The following BRF1 variants were observed in gnomAD, a reference collection of about 807,000 sequenced individuals.
The protein encoded by BRF1 is transcription factor IIIB 90 kDa subunit.
In BRF1, 59 loss-of-function variants were observed where a neutral mutation model predicts 81.7. The ratio of observed to expected loss-of-function variants is 0.72; its 90% confidence interval spans 0.59 to 0.90. The LOEUF (loss-of-function observed/expected upper bound fraction) is 0.90, where lower values mean the gene tolerates loss of function less well. Among genes scored for constraint, BRF1 ranks in the 40% least tolerant of loss-of-function variants. The pLI, the probability that BRF1 is intolerant of heterozygous loss-of-function variation, is 0.00. For synonymous variants in BRF1, 491 were observed against 395.6 expected (o/e 1.24, Z -2.86); for missense variants, 1,050 against 936.3 (o/e 1.12, Z -1.58).
At chr14:105,295,492 C>A (rs1354581608) in intron 1 of BRF1, among the ~76,000 whole-genome samples, 1 of 151,922 alleles carries the variant, frequency 6.6e-6, no homozygotes, top group East Asian at 1.9e-4. Context: ...CCTGTAGTAC[C>A]AGCAACTCAG....
intron 6 of BRF1, among the ~76,000 whole-genome samples, chr14:105,229,200 C>G (rs587605297): frequency 1.3e-5 from 2 of 152,222 alleles, no homozygotes; most frequent in South Asian, 2.1e-4. Flanking sequence ...CAAACTAACT[C>G]TAAGATGACT....
chr14:105,301,534 G>C (rs1017835128), upstream of BRF1, among the ~76,000 whole-genome samples: 2 of 152,152 alleles, frequency 1.3e-5, no homozygotes, highest in African/African-American at 4.8e-5. Context: ...AGCTGCGCTG[G>C]GGGGCCTGGC....
chr14:105,300,346 C>A, intron 1 of BRF1, 100 bp downstream of exon 1: 1 of 1,272,140 alleles, frequency 7.9e-7, no homozygotes. Context: ...CCCGACAGAG[C>A]GTGCGGTACC....
rs1334579299 is a variant in BRF1 at position 105,223,879 on chromosome 14, T to G, written c.1049-1965A>C. Reference sequence around the variant, plus strand: ...AGAACTTTCACGGGAGGAATGTGACTCCTCCTCCTTGAGCTACGTGTTCAT... The same window carrying G: ...AGAACTTTCACGGGAGGAATGTGACGCCTCCTCCTTGAGCTACGTGTTCAT... On this transcript the variant is annotated intron_variant, in intron 10 of 17. Coordinates refer to ENST00000547530, the MANE Select transcript of BRF1 (RefSeq NM_001519.4). Among the ~76,000 whole-genome samples, 7 of 152,230 alleles carry G rather than the reference T, an allele frequency of 4.6e-5. No individual in the cohort carries two copies. In the East Asian group the frequency reaches 5.8e-4, roughly 13 times the overall value.
At chr14:105,249,032 C>G in intron 5 of BRF1, 6 of 1,200,204 alleles carry the variant, frequency 5.0e-6, no homozygotes, top group Non-Finnish European at 6.2e-6. Context: ...CACTCGGCAA[C>G]AACCACCAGG....
chr14:105,219,826 G>A (rs1891971431), intron 12 of BRF1: 4 of 575,392 alleles, frequency 7.0e-6, no homozygotes, highest in Non-Finnish European at 1.2e-5. Flanking sequence ...TATGTGCCGA[G>A]GGCCGCAAGG....
intron 4 of BRF1, among the ~76,000 whole-genome samples, chr14:105,254,680 C>A (rs1422611491): frequency 6.6e-6 from 1 of 152,122 alleles, no homozygotes; most frequent in African/African-American, 2.4e-5. Flanking sequence ...TCCTGTCTCA[C>A]CCTCCTAAGT....
intron 1 of BRF1, among the ~76,000 whole-genome samples, chr14:105,296,054 C>T (rs1284797071): frequency 7.1e-6 from 1 of 141,476 alleles, no homozygotes; most frequent in African/African-American, 2.8e-5. Context: ...GCACTCCAGC[C>T]TGGGCAACAG....
In BRF1 at chr14:105,211,253, G is replaced by C. The variant is rs755827110; in HGVS notation, c.1865C>G (p.Ala622Gly). 1.2e-6 allele frequency: 2 copies of C among 1,608,030 alleles called. No individual in the cohort carries two copies. The highest frequency in any genetic ancestry group is 3.3e-5 in the Admixed American group (2 of 59,786). ...PSSPTLGAEP[A>G]RPQAVLVESG... ...CTCCACCAGCACCGCCTGGGGCCTG[G>C]CAGGCTCAGCTCCGAGGGTGGGAGA... Residue 622 changes from alanine (A) to glycine (G), a missense_variant, in exon 17 of 18, where the codon GCC (alanine) becomes GGC (glycine). Coordinates refer to ENST00000547530, the MANE Select transcript of BRF1 (RefSeq NM_001519.4).
chr14:105,260,474 C>T (rs951774109), intron 3 of BRF1, among the ~76,000 whole-genome samples: 5 of 151,934 alleles, frequency 3.3e-5, no homozygotes, highest in Non-Finnish European at 7.4e-5. Flanking sequence ...CAGGTTCAAG[C>T]GATTCTCCTG....
rs1376060032 is a variant in BRF1 at position 105,226,272 on chromosome 14, T to C, written c.934A>G (p.Lys312Glu). 6.2e-7 allele frequency: 1 copy of C among 1,614,080 alleles called. No individual in the cohort carries two copies. Residue 312 changes from lysine (K) to glutamate (E), a missense_variant, in exon 9 of 18, where the codon AAA becomes GAA. Around this residue, in one of 2 missense-constraint regions of BRF1, gnomAD observed 1,043 missense variants for 915.4 expected, o/e 1.14. Coordinates refer to ENST00000547530, the MANE Select transcript of BRF1 (RefSeq NM_001519.4). Reference protein sequence around the residue: ...RMKQLEQVLSKKLEEVEGEIS... With the variant: ...RMKQLEQVLSEKLEEVEGEIS... The stretch of plus-strand genomic sequence containing the variant: ...TTACCTTCAACCTCCTCCAGTTTTT[T>C]TGACAGGACTTGTTCAAGCTGAAAG...
chr14:105,275,774 CG>C (rs1480952751), intron 2 of BRF1, among the ~76,000 whole-genome samples: 1 of 152,254 alleles, frequency 6.6e-6, no homozygotes, highest in African/African-American at 2.4e-5. Context: ...CTATCCCCTA[CG>C]GGGATGGTAT....
At chr14:105,249,768 C>A in intron 5 of BRF1, 1 of 1,613,872 alleles carries the variant, frequency 6.2e-7, no homozygotes. Context: ...AGTTTGGAAG[C>A]CAAGAACGCC....
chr14:105,212,426 A>G, intron 15 of BRF1: 1 of 449,048 alleles, frequency 2.2e-6, no homozygotes, highest in Non-Finnish European at 4.1e-6. Flanking sequence ...TCCCCAGCCC[A>G]CTCCCCTTCC....
In BRF1 at chr14:105,269,049, G is replaced by C. The variant is rs587680925; in HGVS notation, c.439+3672C>G. 6.6e-6 allele frequency among the ~76,000 whole-genome samples: 1 copy of C among 152,210 alleles called. No homozygotes were observed. Among genetic ancestry groups the C allele is most frequent in the Non-Finnish European group, 1.5e-5 (1 of 68,030 alleles). ...GCCAGAGCCAATGCAGGTCAGCAGG[G>C]AGGGAGAAGGCACAGGGGCAGGAGA... On this transcript the variant is annotated intron_variant, in intron 3 of 17. Transcript: ENST00000547530. The surrounding 1 kb of genome is among the most constrained non-coding windows in gnomAD (Gnocchi z 5.0).
rs1414500747 is a variant in BRF1, at chr14:105,210,555, T to C, written c.2030A>G (p.Tyr677Cys). ...CACCTGCCTGGAGGCCACACTTCAG[T>C]AGCCGTCGTCCTCATCGCCATCACA... ...YGCDGDEDDG[Y>C] Residue 677 changes from tyrosine to cysteine, a missense_variant, in exon 18 of 18, where the codon TAC becomes TGC. Tyr to Cys is a radical substitution (Grantham distance 194). Transcript: ENST00000547530. This position sits in a 1 kb window ranked among gnomAD's most constrained non-coding sequence, Gnocchi z 4.7. 7 of 1,611,138 alleles carry C rather than the reference T, an allele frequency of 4.3e-6. No homozygotes were observed. Among genetic ancestry groups the C allele is most frequent in the Non-Finnish European group, 5.9e-6 (7 of 1,179,854 alleles).
intron 5 of BRF1, chr14:105,246,939 G>A (rs1416913949): frequency 3.0e-6 from 3 of 985,276 alleles, no homozygotes; most frequent in South Asian, 4.7e-5. Flanking sequence ...GCTGCTGTAA[G>A]TTATTCCTTC....
chr14:105,293,351 C>T (rs961692016), intron 1 of BRF1, among the ~76,000 whole-genome samples: 1 of 152,200 alleles, frequency 6.6e-6, no homozygotes, highest in Admixed American at 6.5e-5. Context: ...GCAGCACTCA[C>T]GGACACCCCA....
intron 15 of BRF1, among the ~76,000 whole-genome samples, chr14:105,214,272 T>C (rs1294599685): frequency 6.6e-6 from 1 of 152,184 alleles, no homozygotes; most frequent in Non-Finnish European, 1.5e-5. Flanking sequence ...CCTCTGCCTG[T>C]CCCCAGAGTG....
Sources: gnomAD v4.1 joint callset for allele counts (sites outside exome capture counted in the v4.1 genomes callset) on GRCh38, gnomAD v4.1.1 for gene constraint, gnomAD v4.1.1 regional missense constraint, Gnocchi (gnomAD v3.1) non-coding constraint, MANE v1.5 for transcripts, NCBI Gene and HGNC (gene_info 2026-07-23, HGNC 2026-07-21) for gene names.